TRIT1: variants seen among roughly 807,000 people sequenced by gnomAD.
TRIT1 encodes the protein tRNA isopentenyltransferase 1.
A neutral mutation model predicts 51.2 loss-of-function variants in TRIT1; 43 were observed. The observed-to-expected ratio is 0.84, with a 90% CI of 0.66 to 1.08. The LOEUF (loss-of-function observed/expected upper bound fraction) is 1.08. TRIT1 is among the 50% of genes least tolerant of loss of function. TRIT1 has a pLI of 0.00. For synonymous variants in TRIT1, 184 were observed against 203.9 expected (o/e 0.90, Z 0.83); for missense variants, 528 against 578.4 (o/e 0.91, Z 0.89).
chr1:39,842,215 A>G (rs1212714160), intron 10 of TRIT1, among the ~76,000 whole-genome samples: 2 of 152,296 alleles, frequency 1.3e-5, no homozygotes, highest in East Asian at 1.9e-4. Context: ...ATACAAGGGA[A>G]ACTGAAGTTC....
chr1:39,880,793 C>T (rs559021267), intron 1 of TRIT1, among the ~76,000 whole-genome samples: 3 of 147,752 alleles, frequency 2.0e-5, no homozygotes, highest in Admixed American at 1.3e-4. Flanking sequence ...AGCAAGACTC[C>T]GTTTCAAAAA....
At chr1:39,866,928 C>T (rs142377872) in intron 1 of TRIT1, among the ~76,000 whole-genome samples, 9 of 152,284 alleles carry the variant, frequency 5.9e-5, no homozygotes, top group African/African-American at 1.9e-4. Context: ...GAGGTCAGGG[C>T]TGCTGTGAGC....
Position 39,859,260 on chromosome 1 carries a change from C to CAAAAAAAA in TRIT1, c.175-1851_175-1844dup, listed in dbSNP as rs3033562. ...AACAGAGTGAGACTCGACTCCGTCT[C>CAAAAAAAA]AAAAAAAAAAAAAAAAAAAAAAAAA... On this transcript the variant is annotated intron_variant, in intron 1 of 10. Coordinates refer to ENST00000316891, the MANE Select transcript of TRIT1 (RefSeq NM_017646.6). 2.1e-4 allele frequency among the ~76,000 whole-genome samples: 4 copies of CAAAAAAAA among 19,034 alleles called. 1 individual carries two copies. The highest frequency in any genetic ancestry group is 7.1e-4 in the Admixed American group (1 of 1,412). The allele number at this position is 19,034 out of a possible 152,430, so 12.5% of individuals were successfully genotyped here.
chr1:39,880,268 TAAAAAAAAAA>T (rs1553148795), intron 1 of TRIT1, among the ~76,000 whole-genome samples: 2 of 94,892 alleles, frequency 2.1e-5, no homozygotes, highest in South Asian at 3.6e-4. Flanking sequence ...AGACCTCAAA[TAAAAAAAAAA>T]AAAAAAAAAA....
chr1:39,867,010 A>G (rs1480749366), intron 1 of TRIT1, among the ~76,000 whole-genome samples: 3 of 152,074 alleles, frequency 2.0e-5, no homozygotes, highest in African/African-American at 7.2e-5. Flanking sequence ...AAGCAGGAGA[A>G]TCTGTGCCTG....
intron 5 of TRIT1, among the ~76,000 whole-genome samples, chr1:39,849,890 G>A (rs950694312): frequency 2.0e-5 from 3 of 152,156 alleles, no homozygotes; most frequent in African/African-American, 7.2e-5. Context: ...CTCTACCTGT[G>A]ATGTCTTCTC....
rs1337175817 is a variant in TRIT1 at position 39,838,220 on chromosome 1, T to C, written c.*3524A>G. Reference sequence around the variant, plus strand: ...TAGCCATCATTTTAGAAAACAGCCTTAACTGCCCAAGTAGGTGATAATCAA... The same window carrying C: ...TAGCCATCATTTTAGAAAACAGCCTCAACTGCCCAAGTAGGTGATAATCAA... On this transcript the variant is annotated 3_prime_UTR_variant, in exon 11 of 11. Transcript: ENST00000316891. Among the ~76,000 whole-genome samples the C allele has an allele frequency of 6.6e-6, 1 of 152,222 alleles. No homozygotes were observed. The highest frequency in any genetic ancestry group is 1.5e-5 in the Non-Finnish European group (1 of 68,028).
chr1:39,855,131 C>T (rs1235627443), intron 2 of TRIT1, among the ~76,000 whole-genome samples: 14 of 152,184 alleles, frequency 9.2e-5, no homozygotes, highest in Admixed American at 9.2e-4. Context: ...AGGTTACAGG[C>T]GATAGCCATC....
At chr1:39,857,510 G>T in intron 1 of TRIT1, 93 bp from the exon 2 acceptor site, 1 of 1,431,106 alleles carries the variant, frequency 7.0e-7, no homozygotes, top group Non-Finnish European at 9.5e-7. Flanking sequence ...TCTCCCTCCT[G>T]CCAAACACTT....
intron 2 of TRIT1, among the ~76,000 whole-genome samples, chr1:39,855,661 G>C (rs559801238): frequency 6.6e-6 from 1 of 152,152 alleles, no homozygotes; most frequent in Non-Finnish European, 1.5e-5. Flanking sequence ...CCTGTAGTAT[G>C]ATTAACAAAG....
chr1:39,840,600 C>G lies in TRIT1; in HGVS notation c.*1144G>C, dbSNP rs1652515772. Among the ~76,000 whole-genome samples, 1 of 152,120 alleles carries G rather than the reference C, an allele frequency of 6.6e-6. No individual in the cohort carries two copies. The highest frequency in any genetic ancestry group is 2.4e-5 in the African/African-American group (1 of 41,410). On this transcript the variant is annotated 3_prime_UTR_variant, in exon 11 of 11. Transcript: ENST00000316891. ...CATTCCCTTTAGCCTAATTCAGGGC[C>G]TCTCATAGAGTAGATTCTGCACAAA...
At chr1:39,870,922 G>A (rs1050508612) in intron 1 of TRIT1, among the ~76,000 whole-genome samples, 8 of 152,110 alleles carry the variant, frequency 5.3e-5, no homozygotes, top group African/African-American at 9.7e-5. Context: ...CACCAGGCGC[G>A]GTAGCTCACG....
chr1:39,883,096 T>C (rs1386837231), intron 1 of TRIT1, among the ~76,000 whole-genome samples: 1 of 152,226 alleles, frequency 6.6e-6, no homozygotes, highest in Non-Finnish European at 1.5e-5. Flanking sequence ...GAGATAATAG[T>C]ATCTACCAAA....
intron 1 of TRIT1, among the ~76,000 whole-genome samples, chr1:39,865,735 A>G (rs187435727): frequency 4.5e-4 from 68 of 151,514 alleles, no homozygotes; most frequent in African/African-American, 1.6e-3. Context: ...CTGTAGTCCC[A>G]ACTACTCAGG....
chr1:39,841,618 G>T lies in TRIT1; in HGVS notation c.*126C>A. The T allele has an allele frequency of 1.0e-6, 1 of 956,412 alleles. No individual in the cohort carries two copies. Among genetic ancestry groups the T allele is most frequent in the Non-Finnish European group, 1.5e-6 (1 of 668,456 alleles). 59.2% of individuals were successfully genotyped at this position (956,412 alleles called of 1,614,324 possible). On this transcript the variant is annotated 3_prime_UTR_variant, in exon 11 of 11. Transcript: ENST00000316891. ...TTTAAAACCACATCAAAAGAAAATGGTGGGAGCTTTTCTGCTATGCAGAGA... is the reference window on the plus strand; with the variant it reads ...TTTAAAACCACATCAAAAGAAAATGTTGGGAGCTTTTCTGCTATGCAGAGA...
chr1:39,853,351 T>A (rs1215692405), intron 3 of TRIT1, among the ~76,000 whole-genome samples: 1 of 152,104 alleles, frequency 6.6e-6, no homozygotes, highest in African/African-American at 2.4e-5. Flanking sequence ...TGGGTTTTTT[T>A]TAATATAATT....
intron 2 of TRIT1, among the ~76,000 whole-genome samples, chr1:39,854,798 C>T (rs1017292690): frequency 7.2e-5 from 11 of 152,118 alleles, no homozygotes; most frequent in African/African-American, 1.4e-4. Context: ...TTAGAATCTC[C>T]GTTGAACAGA....
At chr1:39,852,532 A>T in intron 4 of TRIT1, 199 bp downstream of exon 4, 1 of 641,394 alleles carries the variant, frequency 1.6e-6, no homozygotes, top group Admixed American at 2.7e-5. Context: ...TTAAAATGTA[A>T]CAAAGTAGGC....
At chr1:39,867,923 C>T (rs1203870906) in intron 1 of TRIT1, among the ~76,000 whole-genome samples, 1 of 152,100 alleles carries the variant, frequency 6.6e-6, no homozygotes, top group Non-Finnish European at 1.5e-5. Flanking sequence ...AAGACAGCTA[C>T]CACACACTGA....
Sources: allele counts gnomAD v4.1 joint callset (sites outside exome capture counted in the v4.1 genomes callset), GRCh38; gene constraint gnomAD v4.1.1; transcripts MANE v1.5; gene names NCBI Gene and HGNC (gene_info 2026-07-23, HGNC 2026-07-21).